The following BLK variants were observed in gnomAD, a reference collection of about 807,000 sequenced individuals.
BLK encodes BLK proto-oncogene, Src family tyrosine kinase, also known as tyrosine-protein kinase Blk.
BLK carries 64 observed loss-of-function variants against 61.8 expected under a neutral mutation model. The ratio of observed to expected loss-of-function variants is 1.03; its 90% CI spans 0.85 to 1.27. The LOEUF is 1.27. Among genes scored for constraint, BLK ranks in the 50% most tolerant of loss-of-function variants. The pLI, the probability that BLK is intolerant of heterozygous loss-of-function variation, is 0.00. For synonymous variants in BLK, 351 were observed against 272.0 expected (o/e 1.29, Z -2.86); for missense variants, 853 against 660.5 (o/e 1.29, Z -3.19).
chr8:11,506,379 A>T (rs1474827657), intron 1 of BLK, among the ~76,000 whole-genome samples: 2 of 152,208 alleles, frequency 1.3e-5, no homozygotes, highest in African/African-American at 2.4e-5. Context: ...AATGTGCTGA[A>T]TCCTTGTAAC....
intron 1 of BLK, among the ~76,000 whole-genome samples, chr8:11,499,113 T>C (rs1798466231): frequency 6.6e-6 from 1 of 152,224 alleles, no homozygotes; most frequent in African/African-American, 2.4e-5. Context: ...ACAGACTACA[T>C]ATATGATGGT....
chr8:11,514,211 A>T (rs1263605593), intron 1 of BLK, among the ~76,000 whole-genome samples: 2 of 152,274 alleles, frequency 1.3e-5, no homozygotes, highest in Middle Eastern at 3.4e-3. Flanking sequence ...CCTGTCACTG[A>T]GTCTAACGGT....
chr8:11,564,108 G>A lies in BLK; in HGVS notation c.1518G>A (p.Ter506=). The change falls in exon 13 of 13, where the codon TAG becomes TAA. Residue 506 remains the stop codon, a stop_retained_variant. Coordinates refer to ENST00000259089, the MANE Select transcript of BLK (RefSeq NM_001715.3). ...ATERQYELQP[*] is the part of the protein sequence containing the mutation. ...AGCGGCAGTACGAGCTGCAGCCCTA[G>A]CCGGCCGCGCCCGCCTGCGCCCCGT... The A allele has an allele frequency of 6.4e-7, 1 of 1,556,598 alleles. No individual in the cohort carries two copies. The highest frequency in any genetic ancestry group is 1.4e-5 in the African/African-American group (1 of 73,802).
At chr8:11,529,695 C>A (rs1384626797) in intron 1 of BLK, among the ~76,000 whole-genome samples, 1 of 152,200 alleles carries the variant, frequency 6.6e-6, no homozygotes, top group East Asian at 1.9e-4. Flanking sequence ...TTATTGTCTT[C>A]ATTTTTAACT....
At chr8:11,558,715 A>C (rs1186336124) in intron 10 of BLK, 1 of 456,192 alleles carries the variant, frequency 2.2e-6, no homozygotes, top group East Asian at 6.9e-5. Flanking sequence ...TTTAGCCGAG[A>C]GCTCTAGCTG....
intron 1 of BLK, among the ~76,000 whole-genome samples, chr8:11,495,802 G>A (rs905178170): frequency 3.9e-5 from 6 of 152,164 alleles, no homozygotes; most frequent in Non-Finnish European, 5.9e-5. Flanking sequence ...CTGGGGTCTC[G>A]CTAATATTGT....
At chr8:11,532,910 A>C (rs1799947984) in intron 1 of BLK, among the ~76,000 whole-genome samples, 1 of 152,236 alleles carries the variant, frequency 6.6e-6, no homozygotes. Flanking sequence ...GTTTTTGAAT[A>C]ACAGTTCTGT....
At chr8:11,505,711 C>T (rs1798747404) in intron 1 of BLK, among the ~76,000 whole-genome samples, 1 of 152,184 alleles carries the variant, frequency 6.6e-6, no homozygotes, top group South Asian at 2.1e-4. Context: ...CAGGGTAAAG[C>T]CACCATAAAC....
chr8:11,563,877 C>A (rs1289233846), intron 12 of BLK, 26 bp from the exon 13 acceptor site: 1 of 1,599,622 alleles, frequency 6.3e-7, no homozygotes, highest in Non-Finnish European at 8.5e-7. Flanking sequence ...GCCCCTCACC[C>A]CCGCTTGCGG....
chr8:11,515,394 G>A (rs1487704961), intron 1 of BLK, among the ~76,000 whole-genome samples: 1 of 152,318 alleles, frequency 6.6e-6, no homozygotes, highest in East Asian at 1.9e-4. Context: ...GAGAGGTAGT[G>A]CCAGGGGTCA....
chr8:11,539,275 T>G (rs1800269674), intron 1 of BLK, among the ~76,000 whole-genome samples: 1 of 152,184 alleles, frequency 6.6e-6, no homozygotes, highest in African/African-American at 2.4e-5. Context: ...TGCACCTCTT[T>G]GGGTCTTACT....
chr8:11,553,389 GT>G (rs1185636096), intron 6 of BLK: 2 of 451,356 alleles, frequency 4.4e-6, no homozygotes, highest in East Asian at 7.1e-5. Flanking sequence ...GGGGATCCAG[GT>G]TTTGTGAAAC....
intron 2 of BLK, among the ~76,000 whole-genome samples, chr8:11,544,865 A>C (rs1170805723): frequency 1.3e-5 from 2 of 152,192 alleles, no homozygotes; most frequent in Non-Finnish European, 2.9e-5. Context: ...GAAAGAATAC[A>C]CCAAAACGCA....
chr8:11,546,201 G>A, intron 3 of BLK, 98 bp downstream of exon 3: 1 of 1,434,580 alleles, frequency 7.0e-7, no homozygotes, highest in South Asian at 1.1e-5. Context: ...AGCAGCTTGA[G>A]GGCTGGAGAA....
chr8:11,543,266 G>T lies in BLK; in HGVS notation c.42G>T (p.Pro14=). The change falls in exon 2 of 13, where the codon CCG becomes CCT. Residue 14 remains proline, a synonymous_variant. Coordinates refer to ENST00000259089, the MANE Select transcript of BLK (RefSeq NM_001715.3). The part of the protein sequence containing the change: ...VSSKKPDKEK[P]IKEKDKGQWS... ...GCAAAAAGCCGGACAAGGAAAAGCC[G>T]ATCAAAGAGAAGGACAAGGGCCAAT... The T allele has an allele frequency of 1.2e-6, 2 of 1,613,980 alleles. No homozygotes were observed.
intron 2 of BLK, among the ~76,000 whole-genome samples, chr8:11,544,519 A>T (rs1388723500): frequency 2.0e-5 from 3 of 152,162 alleles, no homozygotes; most frequent in African/African-American, 4.8e-5. Flanking sequence ...CAACCACAAG[A>T]TGTTTATTGA....
intron 11 of BLK, 41 bp from the exon 12 acceptor site, chr8:11,562,938 C>A: frequency 6.2e-7 from 1 of 1,612,976 alleles, no homozygotes; most frequent in South Asian, 1.1e-5. Context: ...GTAGGGGCCA[C>A]CGGCCGTGGC....
At chr8:11,551,487 G>C (rs1251369133) in intron 6 of BLK, among the ~76,000 whole-genome samples, 2 of 152,122 alleles carry the variant, frequency 1.3e-5, no homozygotes, top group African/African-American at 4.8e-5. Flanking sequence ...TAAAGGCTCT[G>C]TCTCCACATA....
chr8:11,551,323 G>A (rs1170270782), intron 6 of BLK, among the ~76,000 whole-genome samples: 3 of 152,180 alleles, frequency 2.0e-5, no homozygotes, highest in African/African-American at 7.2e-5. Context: ...CCTCCCGGGA[G>A]CTCTCTCCTT....
Sources: allele counts gnomAD v4.1 joint callset (sites outside exome capture counted in the v4.1 genomes callset), GRCh38; gene constraint gnomAD v4.1.1; transcripts MANE v1.5; gene names NCBI Gene and HGNC (gene_info 2026-07-23, HGNC 2026-07-21).